The following GRP variants were observed in gnomAD, a reference collection of about 807,000 sequenced individuals.
GRP encodes the protein gastrin releasing peptide.
In GRP, 11 loss-of-function variants were observed where a neutral mutation model predicts 12.7. That is an observed-to-expected ratio of 0.87 (90% CI 0.55 to 1.44). GRP has a LOEUF of 1.44. GRP is among the 40% of genes most tolerant of loss of function. GRP has a pLI of 0.00. For synonymous variants in GRP, 84 were observed against 77.7 expected (o/e 1.08, Z -0.43); for missense variants, 212 against 185.4 (o/e 1.14, Z -0.83).
chr18:59,225,761 G>A lies in GRP; in HGVS notation c.382+27G>A, dbSNP rs1420211993. On this transcript the variant is annotated intron_variant, in intron 2 of 2. Coordinates refer to ENST00000256857, the MANE Select transcript of GRP (RefSeq NM_002091.5). ...TAAAAGAAACATACATGCAAGATGG[G>A]GTGGGAGGTATCTGGGGAGAGGTGG... 5 of 1,607,638 alleles carry A rather than the reference G, an allele frequency of 3.1e-6. No homozygotes were observed. In the African/African-American group the frequency reaches 6.7e-5, roughly 22 times the overall value.
chr18:59,226,456 G>T (rs191541576), intron 2 of GRP, among the ~76,000 whole-genome samples: 2 of 152,122 alleles, frequency 1.3e-5, no homozygotes, highest in African/African-American at 4.8e-5. Context: ...CAATAACAAC[G>T]GTGGCTAGTT....
At chr18:59,220,119 C>CCGG, upstream of GRP, 3 of 390,790 alleles carry the variant, frequency 7.7e-6, no homozygotes, top group Non-Finnish European at 9.0e-6. Context: ...CCCCCCCGCC[C>CCGG]GGGCTTCCAT....
At chr18:59,227,021 C>A (rs1401989752) in intron 2 of GRP, among the ~76,000 whole-genome samples, 2 of 135,032 alleles carry the variant, frequency 1.5e-5, no homozygotes, top group Admixed American at 7.5e-5. Flanking sequence ...TTCTTTCTTT[C>A]TTTCTTTCTT....
intron 1 of GRP, among the ~76,000 whole-genome samples, chr18:59,223,994 C>T (rs2069875209): frequency 6.6e-6 from 1 of 152,190 alleles, no homozygotes. Context: ...CTCCTTAATA[C>T]TCATAGAATT....
At chr18:59,224,387 G>A (rs2069882263) in intron 1 of GRP, among the ~76,000 whole-genome samples, 2 of 152,194 alleles carry the variant, frequency 1.3e-5, no homozygotes, top group South Asian at 2.1e-4. Context: ...CTGGGAAGGG[G>A]CCTCTTTCCA....
chr18:59,230,561 T>C lies in GRP; in HGVS notation c.*93T>C. 1.3e-6 allele frequency: 1 copy of C among 774,644 alleles called. No homozygotes were observed. Among genetic ancestry groups the C allele is most frequent in the Non-Finnish European group, 2.3e-6 (1 of 429,204 alleles). 48.0% of individuals were successfully genotyped at this position (774,644 alleles called of 1,614,324 possible). ...CTACGGATCATCAACAAGATTTCCT[T>C]GTGCAAAATATTTGACTATTCTGTA... On this transcript the variant is annotated 3_prime_UTR_variant, in exon 3 of 3. Coordinates refer to ENST00000256857, the MANE Select transcript of GRP (RefSeq NM_002091.5).
At position 59,230,470 on chromosome 18, in the gene GRP, A is replaced by G; in HGVS notation, c.*2A>G. Reference sequence around the variant, plus strand: ...AACCCCCAGCTGAACCAGCAATGATAATGATGGCCTCTCTCAAAAGAGAAA... The same window carrying G: ...AACCCCCAGCTGAACCAGCAATGATGATGATGGCCTCTCTCAAAAGAGAAA... On this transcript the variant is annotated 3_prime_UTR_variant, in exon 3 of 3. Transcript: ENST00000256857. The G allele has an allele frequency of 6.4e-7, 1 of 1,552,988 alleles. No individual in the cohort carries two copies.
intron 2 of GRP, among the ~76,000 whole-genome samples, chr18:59,228,559 C>T (rs1195805136): frequency 6.6e-6 from 1 of 152,190 alleles, no homozygotes; most frequent in East Asian, 1.9e-4. Flanking sequence ...TTACTTAATT[C>T]ATAAAGGATG....
rs559540017 is a variant in GRP at position 59,224,221 on chromosome 18, C to T, written c.140-1271C>T. Among the ~76,000 whole-genome samples, 5 of 152,304 alleles carry T rather than the reference C, an allele frequency of 3.3e-5. No individual in the cohort carries two copies. The South Asian group carries it at 6.2e-4, about 19-fold the overall frequency. ...TTAATCCTAAAATAGTTGCTTACAT[C>T]TATGTGACCTCTGGCAAGTCTCATT... On this transcript the variant is annotated intron_variant, in intron 1 of 2. Coordinates refer to ENST00000256857, the MANE Select transcript of GRP (RefSeq NM_002091.5).
intron 1 of GRP, among the ~76,000 whole-genome samples, chr18:59,221,378 G>A (rs1279560013): frequency 1.3e-5 from 2 of 152,124 alleles, no homozygotes; most frequent in African/African-American, 4.8e-5. Flanking sequence ...GGCAGGAAGC[G>A]CCTGGCAGCC....
chr18:59,220,115 C>A (rs979573311), upstream of GRP: 1 of 369,452 alleles, frequency 2.7e-6, no homozygotes, highest in Non-Finnish European at 4.8e-6. Context: ...CCAGCCCCCC[C>A]GCCCGGGCTT....
rs539445786 is a variant in GRP, at chr18:59,230,638, A to T, written c.*170A>T. 9.5e-5 allele frequency: 56 copies of T among 592,326 alleles called. 1 individual carries two copies. In the South Asian group the frequency reaches 1.2e-3, roughly 13 times the overall value. The allele number at this position is 592,326 out of a possible 1,614,324, so 36.7% of individuals were successfully genotyped here. A position where few individuals can be genotyped will look rare whatever the true frequency, so the allele number is the denominator to read the frequency against. Reference sequence around the variant, plus strand: ...TTTTCAAGCAGCATCTTCTGGTTTAAACTTGTTTGCTGTGAACAATTGTCG... The same window carrying T: ...TTTTCAAGCAGCATCTTCTGGTTTATACTTGTTTGCTGTGAACAATTGTCG... On this transcript the variant is annotated 3_prime_UTR_variant, in exon 3 of 3. Coordinates refer to ENST00000256857, the MANE Select transcript of GRP (RefSeq NM_002091.5).
At chr18:59,220,036 G>T (rs543279240), upstream of GRP, 2 of 400,550 alleles carry the variant, frequency 5.0e-6, no homozygotes, top group South Asian at 2.0e-4. Flanking sequence ...TTTCCGGACC[G>T]GGCGTCCCAG....
At chr18:59,219,573 G>T, upstream of GRP, among the ~76,000 whole-genome samples, 1 of 139,466 alleles carries the variant, frequency 7.2e-6, no homozygotes, top group Non-Finnish European at 1.6e-5. Context: ...GGAGGGGAGA[G>T]GAGGGGAGGA....
chr18:59,227,049 CTTTCTTCCTTTCTTTCT>C (rs1460086372), intron 2 of GRP, among the ~76,000 whole-genome samples: 382 of 116,424 alleles, frequency 3.3e-3, no homozygotes, highest in African/African-American at 8.1e-3. Context: ...TTCTTTCTTT[CTTTCTTCCTTTCTTTCT>C]TTTCTTTCCT....
At chr18:59,222,096 G>C (rs1180237665) in intron 1 of GRP, among the ~76,000 whole-genome samples, 1 of 152,210 alleles carries the variant, frequency 6.6e-6, no homozygotes, top group Admixed American at 6.5e-5. Flanking sequence ...AGCCAATGGG[G>C]CTGGAAAGAT....
intron 2 of GRP, among the ~76,000 whole-genome samples, chr18:59,228,471 A>C (rs1184867036): frequency 1.3e-5 from 2 of 152,212 alleles, no homozygotes; most frequent in Non-Finnish European, 2.9e-5. Flanking sequence ...GTAATAAAAC[A>C]TCAAGTACTG....
intron 1 of GRP, among the ~76,000 whole-genome samples, chr18:59,223,837 C>G (rs558356278): frequency 5.9e-5 from 9 of 152,168 alleles, no homozygotes; most frequent in Non-Finnish European, 1.2e-4. Flanking sequence ...TGTGACCAAG[C>G]TGATACGTGA....
chr18:59,224,643 AATTCTGTACCC>A (rs1301924697), intron 1 of GRP, among the ~76,000 whole-genome samples: 1 of 152,240 alleles, frequency 6.6e-6, no homozygotes, highest in Non-Finnish European at 1.5e-5. Context: ...GCAGACCTTG[AATTCTGTACCC>A]ACTTCTGACT....
Sources: allele counts gnomAD v4.1 joint callset (sites outside exome capture counted in the v4.1 genomes callset), GRCh38; gene constraint gnomAD v4.1.1; transcripts MANE v1.5; gene names NCBI Gene and HGNC (gene_info 2026-07-23, HGNC 2026-07-21).